The following PDGFA variants were observed in gnomAD, a reference collection of about 807,000 sequenced individuals.
PDGFA encodes platelet-derived growth factor subunit A.
In PDGFA, 9 loss-of-function variants were observed where a neutral mutation model predicts 25.6. The ratio of observed to expected loss-of-function variants is 0.35; its 90% CI spans 0.21 to 0.61. PDGFA has a LOEUF of 0.61. PDGFA is among the 20% of genes least tolerant of loss of function. PDGFA has a pLI of 0.75. For synonymous variants in PDGFA, 133 were observed against 111.8 expected, an observed-to-expected ratio of 1.19 and a Z score of -1.20; for missense variants, 242 against 272.8, an observed-to-expected ratio of 0.89 and a Z score of 0.79.
chr7:501,962 C>T (rs181480748), intron 4 of PDGFA, among the ~76,000 whole-genome samples: 5 of 152,146 alleles, frequency 3.3e-5, no homozygotes, highest in East Asian at 3.9e-4. Flanking sequence ...TGGTGGCTCA[C>T]GCCTGTAATC....
exon 6 of PDGFA, chr7:497,956 AAACAAAAAAAAAAAAAAC>A (rs1782147359): frequency 6.9e-5 from 8 of 115,214 alleles, no homozygotes; most frequent in Admixed American, 2.8e-4. Flanking sequence ...AAAAAAAAAA[AAACAAAAAAAAAAAAAAC>A]AAAACAAAAA....
upstream of PDGFA, chr7:520,483 G>A (rs1783324469): frequency 6.5e-6 from 1 of 152,812 alleles, no homozygotes; most frequent in Non-Finnish European, 1.5e-5. Context: ...ACTTGGGAGC[G>A]AGCTCCAGTC....
At chr7:503,384 A>G (rs2128393194) in intron 4 of PDGFA, among the ~76,000 whole-genome samples, 1 of 152,300 alleles carries the variant, frequency 6.6e-6, no homozygotes, top group South Asian at 2.1e-4. Context: ...AACTGAGGCT[A>G]GAAAGGAAAC....
At chr7:501,493 A>G (rs1247699960) in intron 4 of PDGFA, among the ~76,000 whole-genome samples, 3 of 152,228 alleles carry the variant, frequency 2.0e-5, no homozygotes, top group African/African-American at 4.8e-5. Flanking sequence ...TAGGCCAATC[A>G]TAGCCTCTGC....
exon 6 of PDGFA, chr7:497,965 AAAAAAAAACAAAACAAAAAC>A (rs1562481736): frequency 5.3e-5 from 7 of 132,932 alleles, no homozygotes; most frequent in African/African-American, 1.1e-4. Flanking sequence ...AAAACAAAAA[AAAAAAAAACAAAACAAAAAC>A]AAAAAAAAAA....
chr7:509,903 G>A (rs959487737), intron 4 of PDGFA, among the ~76,000 whole-genome samples: 21 of 152,302 alleles, frequency 1.4e-4, no homozygotes, highest in African/African-American at 3.6e-4. Flanking sequence ...GGGATTCTAT[G>A]GAAGGAAGTC....
intron 2 of PDGFA, among the ~76,000 whole-genome samples, chr7:516,049 C>CA (rs1554276003): frequency 4.7e-5 from 4 of 86,016 alleles, no homozygotes; most frequent in African/African-American, 1.0e-4. Context: ...AGCCCCCCCC[C>CA]CCCACTTTTC....
chr7:503,431 G>GGAAT (rs1160318912), intron 4 of PDGFA, among the ~76,000 whole-genome samples: 7 of 152,190 alleles, frequency 4.6e-5, no homozygotes, highest in Non-Finnish European at 8.8e-5. Context: ...GGGGCGTGGG[G>GGAAT]GAATGCACGC....
chr7:518,325 G>A (rs1028639279), intron 1 of PDGFA: 1 of 151,512 alleles, frequency 6.6e-6, no homozygotes, highest in Admixed American at 6.6e-5. Context: ...AAAGCTCCCG[G>A]GGATGGGGAT....
chr7:513,418 GAC>G (rs35142233), intron 2 of PDGFA: 133,816 of 151,850 alleles, frequency 0.88, 59,591 homozygotes, highest in Non-Finnish European at 0.96. Context: ...CCTGCCCATG[GAC>G]ACACTGCCCG....
chr7:516,210 C>A (rs1487728621), intron 2 of PDGFA, among the ~76,000 whole-genome samples: 1 of 150,778 alleles, frequency 6.6e-6, no homozygotes, highest in Non-Finnish European at 1.5e-5. Context: ...CCGCACCCCC[C>A]ACCCTCCGCC....
At chr7:498,559 C>T (rs375595817) in exon 6 of PDGFA, 2 of 1,609,284 alleles carry the variant, frequency 1.2e-6, no homozygotes, top group African/African-American at 2.7e-5. Context: ...GGCTGCGGCT[C>T]ATCCTCACCT....
exon 1 of PDGFA, chr7:519,080 A>G: frequency 8.8e-7 from 1 of 1,138,426 alleles, no homozygotes; most frequent in Non-Finnish European, 1.2e-6. Context: ...TGTGGCGGCG[A>G]AATTCAGTAC....
intron 4 of PDGFA, among the ~76,000 whole-genome samples, chr7:506,147 G>A (rs1200071750): frequency 3.6e-5 from 5 of 137,592 alleles, no homozygotes; most frequent in African/African-American, 1.3e-4. Flanking sequence ...CTGCACTCCA[G>A]CCTGGGCAAC....
chr7:517,333 G>T lies in PDGFA; in HGVS notation c.160+61C>A. The T allele has an allele frequency of 1.4e-6, 1 of 725,186 alleles. No individual in the cohort carries two copies. The highest frequency in any genetic ancestry group is 1.9e-6 in the Non-Finnish European group (1 of 518,404). 44.9% of individuals were successfully genotyped at this position (725,186 alleles called of 1,614,324 possible). A position where few individuals can be genotyped will look rare whatever the true frequency, so the allele number is the denominator to read the frequency against. On this transcript the variant is annotated intron_variant, in intron 2 of 5. Coordinates refer to ENST00000402802, the Ensembl canonical transcript of PDGFA. The surrounding 1 kb of genome is among the most constrained non-coding windows in gnomAD (Gnocchi z 7.4). ...GCGGCGCCCCGCCCGGCCCCAGCTC[G>T]GGGCGCACAGGCCGCCCGCCCGCGC...
intron 4 of PDGFA, among the ~76,000 whole-genome samples, chr7:505,308 A>T (rs1021172083): frequency 1.3e-5 from 2 of 152,186 alleles, no homozygotes; most frequent in African/African-American, 4.8e-5. Flanking sequence ...TGTGGGCTGC[A>T]CCTTATCACA....
In PDGFA at chr7:501,262, C is replaced by T. The variant is rs773134440; in HGVS notation, c.454-20G>A. On this transcript the variant is annotated intron_variant, in intron 4 of 5. Transcript: ENST00000402802. Reference sequence around the variant, plus strand: ...GGCCACCTGCCAGAGAGAACAGAGCCCGGCCATGAATGCCTGCATGGAGCT... The same window carrying T: ...GGCCACCTGCCAGAGAGAACAGAGCTCGGCCATGAATGCCTGCATGGAGCT... The T allele has an allele frequency of 2.5e-6, 4 of 1,613,532 alleles. No homozygotes were observed. The highest frequency in any genetic ancestry group is 2.7e-5 in the African/African-American group (2 of 74,936).
chr7:504,707 C>T (rs1345826720), intron 4 of PDGFA, among the ~76,000 whole-genome samples: 1 of 152,254 alleles, frequency 6.6e-6, no homozygotes, highest in Non-Finnish European at 1.5e-5. Context: ...CCCTGTTCTG[C>T]TCCCGGCCCT....
At chr7:512,421 A>G (rs1562491226) in exon 3 of PDGFA, 1 of 1,613,726 alleles carries the variant, frequency 6.2e-7, no homozygotes, top group East Asian at 2.2e-5. Flanking sequence ...GGACCCCGTG[A>G]GCTCTCAGGC....
Sources: allele counts gnomAD v4.1 joint callset (sites outside exome capture counted in the v4.1 genomes callset), GRCh38; gene constraint gnomAD v4.1.1; non-coding constraint Gnocchi (gnomAD v3.1); transcripts MANE v1.5; gene names NCBI Gene and HGNC (gene_info 2026-07-23, HGNC 2026-07-21).